The following PBX1 variants were observed in gnomAD, a reference collection of about 807,000 sequenced individuals.
PBX1 encodes pre-B-cell leukemia transcription factor 1.
In PBX1, 6 loss-of-function variants were observed where a neutral mutation model predicts 53.4. The observed-to-expected ratio is 0.11, with a 90% CI of 0.06 to 0.22. The LOEUF is 0.22. Among genes scored for constraint, PBX1 ranks in the 10% least tolerant of loss-of-function variants. The pLI, the probability that PBX1 is intolerant of heterozygous loss-of-function variation, is 1.00. For synonymous variants in PBX1, 204 were observed against 212.3 expected (o/e 0.96, Z 0.34); for missense variants, 251 against 551.4 (o/e 0.46, Z 5.46).
At chr1:164,871,462 G>T (rs1442338367) in intron 2 of PBX1, among the ~76,000 whole-genome samples, 6 of 152,220 alleles carry the variant, frequency 3.9e-5, no homozygotes, top group African/African-American at 1.4e-4. Flanking sequence ...ATGCACACAG[G>T]CACAGGCAGC....
chr1:164,610,773 A>C (rs1260457266), intron 2 of PBX1, among the ~76,000 whole-genome samples: 1 of 152,214 alleles, frequency 6.6e-6, no homozygotes, highest in Non-Finnish European at 1.5e-5. Flanking sequence ...AAAAGTATCT[A>C]CGCACATTCT....
chr1:164,565,536 T>C (rs959621319), intron 2 of PBX1, among the ~76,000 whole-genome samples: 3 of 151,828 alleles, frequency 2.0e-5, no homozygotes, highest in African/African-American at 7.3e-5. Context: ...ACTTGTGTGT[T>C]GGAAGGATTG....
intron 2 of PBX1, among the ~76,000 whole-genome samples, chr1:164,768,069 G>T (rs1667161613): frequency 6.6e-6 from 1 of 151,962 alleles, no homozygotes; most frequent in Non-Finnish European, 1.5e-5. Context: ...TCAGAGAGAG[G>T]CTAAGCCAAA....
intron 8 of PBX1, among the ~76,000 whole-genome samples, chr1:164,823,071 A>G (rs757474533): frequency 1.3e-5 from 2 of 152,224 alleles, no homozygotes; most frequent in Non-Finnish European, 2.9e-5. Flanking sequence ...AGTTTACACA[A>G]TATTTATCAA....
At chr1:164,615,806 G>T (rs561235884) in intron 2 of PBX1, among the ~76,000 whole-genome samples, 1 of 152,272 alleles carries the variant, frequency 6.6e-6, no homozygotes, top group Admixed American at 6.5e-5. Context: ...CACAAGAGGG[G>T]AGGAGTGAAG....
downstream of PBX1, among the ~76,000 whole-genome samples, chr1:164,853,799 T>C (rs1405629651): frequency 6.6e-6 from 1 of 152,124 alleles, no homozygotes; most frequent in African/African-American, 2.4e-5. Flanking sequence ...AAGAGTATGG[T>C]AAAGTGTAGG....
intron 8 of PBX1, among the ~76,000 whole-genome samples, chr1:164,841,818 G>T (rs1048039151): frequency 2.6e-5 from 4 of 151,964 alleles, no homozygotes; most frequent in Admixed American, 6.6e-5. Context: ...TTTTCTTCCC[G>T]GCCGTTCCCA....
chr1:164,772,350 C>T (rs1017508620), intron 2 of PBX1, among the ~76,000 whole-genome samples: 5 of 152,108 alleles, frequency 3.3e-5, no homozygotes, highest in East Asian at 1.9e-4. Flanking sequence ...CACCGTTTAC[C>T]AACTCTGACA....
chr1:164,687,434 C>T (rs905906188), intron 2 of PBX1, among the ~76,000 whole-genome samples: 2 of 151,760 alleles, frequency 1.3e-5, no homozygotes, highest in Non-Finnish European at 2.9e-5. Flanking sequence ...TGGTGGGGCA[C>T]GCCTATGGTC....
intron 2 of PBX1, chr1:164,590,386 CT>C (rs1557877649): frequency 2.2e-6 from 1 of 456,026 alleles, no homozygotes; most frequent in East Asian, 7.0e-5. Flanking sequence ...GACTTGCTCA[CT>C]TGCACTGCTT....
At chr1:164,687,238 G>C (rs913372247) in intron 2 of PBX1, among the ~76,000 whole-genome samples, 1 of 152,114 alleles carries the variant, frequency 6.6e-6, no homozygotes, top group African/African-American at 2.4e-5. Flanking sequence ...TGGAGAGGTA[G>C]TGTAAGGCAC....
At chr1:164,689,005 G>C (rs1175446765) in intron 2 of PBX1, among the ~76,000 whole-genome samples, 1 of 152,214 alleles carries the variant, frequency 6.6e-6, no homozygotes, top group Non-Finnish European at 1.5e-5. Flanking sequence ...CCTCCCCTTG[G>C]TGCCGCAGGC....
At chr1:164,563,096 C>A in intron 1 of PBX1, 142 bp from the exon 2 acceptor site, 2 of 521,254 alleles carry the variant, frequency 3.8e-6, no homozygotes, top group Non-Finnish European at 6.9e-6. Context: ...TATATTAAGT[C>A]ATGAAAACAA....
At chr1:164,601,587 T>G (rs1172863482) in intron 2 of PBX1, among the ~76,000 whole-genome samples, 1 of 152,176 alleles carries the variant, frequency 6.6e-6, no homozygotes, top group Non-Finnish European at 1.5e-5. Flanking sequence ...ACACAGACTT[T>G]AGCTTAAACT....
chr1:164,793,872 CTTTTTTTTTTT>C (rs72414989), intron 3 of PBX1, among the ~76,000 whole-genome samples: 1 of 78,218 alleles, frequency 1.3e-5, no homozygotes. Context: ...TTTTTCCTTT[CTTTTTTTTTTT>C]TTTTTTTTTG....
intron 2 of PBX1, among the ~76,000 whole-genome samples, chr1:164,776,927 GTGTGT>G (rs766233500): frequency 1.5e-5 from 2 of 132,160 alleles, no homozygotes; most frequent in African/African-American, 2.8e-5. Flanking sequence ...GTGTGTGTGT[GTGTGT>G]GTGGTGGGAG....
At chr1:164,741,319 A>G (rs1665589657) in intron 2 of PBX1, among the ~76,000 whole-genome samples, 1 of 152,188 alleles carries the variant, frequency 6.6e-6, no homozygotes, top group Admixed American at 6.5e-5. Flanking sequence ...CCTTTTTCAT[A>G]TGATTCACAT....
intron 2 of PBX1, among the ~76,000 whole-genome samples, chr1:164,731,142 C>T (rs895477836): frequency 6.6e-6 from 1 of 152,124 alleles, no homozygotes; most frequent in Non-Finnish European, 1.5e-5. Flanking sequence ...ATATGGGCAA[C>T]AGGTCTACTG....
chr1:164,838,762 T>C (rs993088538), intron 8 of PBX1, among the ~76,000 whole-genome samples: 1 of 152,154 alleles, frequency 6.6e-6, no homozygotes, highest in Non-Finnish European at 1.5e-5. Context: ...GATGGACCTA[T>C]AACTGTGCAG....
Sources: allele counts gnomAD v4.1 joint callset (sites outside exome capture counted in the v4.1 genomes callset), GRCh38; gene constraint gnomAD v4.1.1; transcripts MANE v1.5; gene names NCBI Gene and HGNC (gene_info 2026-07-23, HGNC 2026-07-21).